ACAP2: variants seen among roughly 807,000 people sequenced by gnomAD.
The protein encoded by ACAP2 is ArfGAP with coiled-coil, ankyrin repeat and PH domains 2, also known as arf-GAP with coiled-coil, ANK repeat and PH domain-containing protein 2.
ACAP2 carries 39 observed loss-of-function variants against 115.8 expected under a neutral mutation model. That is an observed-to-expected ratio of 0.34 (90% CI 0.26 to 0.44). The LOEUF (loss-of-function observed/expected upper bound fraction) is 0.44, where lower values mean the gene tolerates loss of function less well. Ranked by LOEUF, ACAP2 falls within the 20% of genes least tolerant of loss-of-function variation. The pLI is 1.00. For missense variants in ACAP2, 662 were observed against 927.6 expected (o/e 0.71, Z 3.72); for synonymous variants, 289 against 315.8 (o/e 0.92, Z 0.90).
intron 1 of ACAP2, among the ~76,000 whole-genome samples, chr3:195,431,662 T>C (rs1715137922): frequency 6.6e-6 from 1 of 151,198 alleles, no homozygotes; most frequent in Non-Finnish European, 1.5e-5. Context: ...TTTGGCAGGA[T>C]GGTCTCGATC....
Position 195,362,661 on chromosome 3 carries a change from G to A in ACAP2, c.286-17344C>T, listed in dbSNP as rs566967123. On this transcript the variant is annotated intron_variant, in intron 4 of 22. Coordinates refer to ENST00000326793, the MANE Select transcript of ACAP2 (RefSeq NM_012287.6). ...ACCAACTGGGATTTAATCCAGGAAT[G>A]TAAGGATTCAACATATGCAAATCAA... is the stretch of plus-strand genomic sequence containing the variant. Among the ~76,000 whole-genome samples, 18 of 152,284 alleles carry A rather than the reference G, an allele frequency of 1.2e-4. No homozygotes were observed. In the South Asian group the frequency reaches 3.7e-3, roughly 32 times the overall value.
At chr3:195,358,168 GTGCCCTCTAA>G (rs1253184749) in intron 4 of ACAP2, among the ~76,000 whole-genome samples, 1 of 152,120 alleles carries the variant, frequency 6.6e-6, no homozygotes, top group African/African-American at 2.4e-5. Context: ...TAGTCTTGGG[GTGCCCTCTAA>G]TGCAGATACA....
chr3:195,442,005 C>T (rs911213186), intron 1 of ACAP2: 3 of 152,432 alleles, frequency 2.0e-5, no homozygotes, highest in Non-Finnish European at 4.4e-5. Flanking sequence ...GGAAGAGGAA[C>T]ACACAGGCAA....
intron 5 of ACAP2, 68 bp from the exon 6 acceptor site, chr3:195,342,722 G>A (rs1236907161): frequency 1.3e-5 from 17 of 1,327,470 alleles, no homozygotes; most frequent in Admixed American, 2.5e-5. Context: ...CAGGCTGGGC[G>A]CGGTGGCTCA....
At chr3:195,294,388 G>A (rs1727477999) in intron 18 of ACAP2, among the ~76,000 whole-genome samples, 1 of 151,028 alleles carries the variant, frequency 6.6e-6, no homozygotes, top group South Asian at 2.1e-4. Flanking sequence ...GACCAGCCTG[G>A]CCAATGTGGT....
At chr3:195,371,001 C>T (rs1424118452) in intron 4 of ACAP2, among the ~76,000 whole-genome samples, 1 of 151,324 alleles carries the variant, frequency 6.6e-6, no homozygotes, top group African/African-American at 2.4e-5. Flanking sequence ...GTGATGCCTC[C>T]GGCTCTATTT....
intron 6 of ACAP2, among the ~76,000 whole-genome samples, chr3:195,339,369 G>A (rs867687532): frequency 9.9e-5 from 15 of 151,712 alleles, no homozygotes; most frequent in Admixed American, 4.6e-4. Context: ...CTCAAACACT[G>A]AATAATGTTA....
intron 8 of ACAP2, among the ~76,000 whole-genome samples, chr3:195,331,395 G>A (rs537876372): frequency 4.0e-5 from 6 of 151,678 alleles, no homozygotes; most frequent in African/African-American, 9.7e-5. Flanking sequence ...ACAATGGCCC[G>A]ATCTTGGCTC....
chr3:195,441,453 A>C (rs1715986342), intron 1 of ACAP2, among the ~76,000 whole-genome samples: 1 of 152,242 alleles, frequency 6.6e-6, no homozygotes, highest in Middle Eastern at 3.2e-3. Flanking sequence ...CCTAGGCTCC[A>C]ATAAAATTAA....
At chr3:195,433,784 T>C (rs1346396867) in intron 1 of ACAP2, among the ~76,000 whole-genome samples, 2 of 152,378 alleles carry the variant, frequency 1.3e-5, no homozygotes, top group Middle Eastern at 6.8e-3. Flanking sequence ...TTTGCATTCC[T>C]GGGATAACTA....
intron 4 of ACAP2, chr3:195,356,029 C>T (rs1238305711): frequency 2.2e-6 from 1 of 447,642 alleles, no homozygotes; most frequent in Non-Finnish European, 4.5e-6. Context: ...CAAAAAGCAC[C>T]TTCATAAGAA....
rs775127209 is a variant in ACAP2, at chr3:195,308,752, G to T, written c.909+34C>A. The T allele has an allele frequency of 5.0e-5, 77 of 1,544,620 alleles. No individual in the cohort carries two copies. The Middle Eastern group carries it at 1.4e-3, about 27-fold the overall frequency. On this transcript the variant is annotated intron_variant, in intron 11 of 22. Transcript: ENST00000326793. ...CAAAACAGATAAATAACTGAAACTG[G>T]TAACTCACTGGGGTTTCATTTATTA...
intron 10 of ACAP2, among the ~76,000 whole-genome samples, chr3:195,310,890 T>A (rs1577278245): frequency 6.6e-6 from 1 of 152,236 alleles, no homozygotes; most frequent in East Asian, 1.9e-4. Context: ...ACGTCATATA[T>A]CCTAGGTAGA....
At chr3:195,317,035 T>C (rs900701161) in intron 10 of ACAP2, among the ~76,000 whole-genome samples, 1 of 151,308 alleles carries the variant, frequency 6.6e-6, no homozygotes, top group Non-Finnish European at 1.5e-5. Context: ...GTAGCTGGGA[T>C]TATAGGCATA....
intron 22 of ACAP2, 24 bp from the exon 23 acceptor site, chr3:195,279,452 CTT>C (rs1351913347): frequency 7.0e-7 from 1 of 1,425,796 alleles, no homozygotes; most frequent in East Asian, 2.4e-5. Flanking sequence ...AATAAAGACA[CTT>C]TAAACATTTA....
At position 195,379,958 on chromosome 3, in the gene ACAP2, G is replaced by A. The variant is rs1307236654; in HGVS notation, c.285+1051C>T. 4.6e-5 allele frequency among the ~76,000 whole-genome samples: 7 copies of A among 152,150 alleles called. No individual in the cohort carries two copies. In the East Asian group the frequency reaches 1.3e-3, roughly 29 times the overall value. The stretch of plus-strand genomic sequence containing the variant: ...GATACCACTTCACACCTACTAGGAT[G>A]GTTATAATTTTTTTTAAAAAATTGA... On this transcript the variant is annotated intron_variant, in intron 4 of 22. Coordinates refer to ENST00000326793, the MANE Select transcript of ACAP2 (RefSeq NM_012287.6).
Position 195,301,255 on chromosome 3 carries a change from T to A in ACAP2, c.1395+320A>T, listed in dbSNP as rs574920183. ...CACCCGCCACCACGCCTGGCTAATT[T>A]TTTGTATTTTTTAGTAGAGACGGGG... On this transcript the variant is annotated intron_variant, in intron 15 of 22. Transcript: ENST00000326793. Among the ~76,000 whole-genome samples the A allele has an allele frequency of 1.7e-3, 265 of 152,070 alleles. 1 individual carries two copies. Among genetic ancestry groups the A allele is most frequent in the African/African-American group, 5.0e-3 (207 of 41,478 alleles).
In ACAP2 at chr3:195,306,591, C is replaced by T. The variant is rs191369990; in HGVS notation, c.1036G>A (p.Glu346Lys). ...TTAATCCATGCCTGGCGCAGCTTTT[C>T]GGAATCTGCCTGGAGCATGCAACTT... Reference protein sequence around the residue: ...TKSCMLQADSEKLRQAWIKAV... With the variant: ...TKSCMLQADSKKLRQAWIKAV... Residue 346 changes from glutamate (E) to lysine (K), a missense_variant, in exon 13 of 23, where the codon GAA becomes AAA. Transcript: ENST00000326793. 8 of 1,612,528 alleles carry T rather than the reference C, an allele frequency of 5.0e-6. No individual in the cohort carries two copies. The Admixed American group carries it at 6.7e-5, about 13-fold the overall frequency.
chr3:195,355,106 A>C (rs1462744839), intron 4 of ACAP2, among the ~76,000 whole-genome samples: 2 of 152,132 alleles, frequency 1.3e-5, no homozygotes, highest in Non-Finnish European at 2.9e-5. Context: ...TCAGCCTCCC[A>C]AAGTGCTGGG....
Sources: gnomAD v4.1 joint callset for allele counts (sites outside exome capture counted in the v4.1 genomes callset) on GRCh38, gnomAD v4.1.1 for gene constraint, MANE v1.5 for transcripts, NCBI Gene and HGNC (gene_info 2026-07-23, HGNC 2026-07-21) for gene names.